Variants in DLG2 observed in about 807,000 individuals in gnomAD.
The protein encoded by DLG2 is discs large MAGUK scaffold protein 2.
Under a neutral mutation model 132.5 loss-of-function variants are expected in DLG2, and 45 were observed. That is an observed-to-expected ratio of 0.34 (90% CI 0.27 to 0.44). The LOEUF (loss-of-function observed/expected upper bound fraction) is 0.44, where lower values mean the gene tolerates loss of function less well. DLG2 is among the 20% of genes least tolerant of loss of function. The pLI is 1.00. For missense variants in DLG2, 1,045 were observed against 1,196.9 expected (o/e 0.87, Z 1.87); for synonymous variants, 424 against 419.6 (o/e 1.01, Z -0.13).
At chr11:84,775,003 C>A (rs1195178569) in intron 6 of DLG2, among the ~76,000 whole-genome samples, 2 of 152,088 alleles carry the variant, frequency 1.3e-5, no homozygotes, top group African/African-American at 4.8e-5. Flanking sequence ...AGGCAACCTA[C>A]ATATTGTAGA....
intron 16 of DLG2, among the ~76,000 whole-genome samples, chr11:83,869,268 C>T (rs1193376902): frequency 6.6e-6 from 1 of 152,032 alleles, no homozygotes; most frequent in Non-Finnish European, 1.5e-5. Flanking sequence ...TCTTTTAGGT[C>T]AGCATCATCC....
intron 8 of DLG2, among the ~76,000 whole-genome samples, chr11:84,178,821 G>A (rs937877087): frequency 7.2e-5 from 11 of 152,036 alleles, no homozygotes; most frequent in African/African-American, 2.7e-4. Context: ...GATCTAGCAT[G>A]TGACTAAATG....
chr11:84,320,110 G>A (rs781170097), intron 7 of DLG2, among the ~76,000 whole-genome samples: 31 of 152,252 alleles, frequency 2.0e-4, no homozygotes, highest in Non-Finnish European at 3.4e-4. Flanking sequence ...AAGAATTAGC[G>A]ATGCACAAGT....
chr11:85,569,348 A>G (rs1342757549), intron 3 of DLG2, among the ~76,000 whole-genome samples: 1 of 152,090 alleles, frequency 6.6e-6, no homozygotes, highest in Non-Finnish European at 1.5e-5. Context: ...TTCTTAATGT[A>G]AGTATTTATA....
chr11:85,515,831 G>T (rs1306318157), intron 3 of DLG2, among the ~76,000 whole-genome samples: 1 of 151,948 alleles, frequency 6.6e-6, no homozygotes, highest in Non-Finnish European at 1.5e-5. Flanking sequence ...TGAAGATCTG[G>T]TTTGTGATGA....
intron 18 of DLG2, among the ~76,000 whole-genome samples, chr11:83,689,966 ATATTT>A (rs1566548533): frequency 8.0e-5 from 10 of 125,152 alleles, no homozygotes; most frequent in Non-Finnish European, 1.3e-4. Context: ...TATATAATAT[ATATTT>A]ATATTATAAT....
intron 11 of DLG2, among the ~76,000 whole-genome samples, chr11:84,028,970 TATA>T (rs1159200976): frequency 6.6e-6 from 1 of 152,118 alleles, no homozygotes; most frequent in Non-Finnish European, 1.5e-5. Flanking sequence ...ATATCTGTTA[TATA>T]ATAAGCTCTA....
At chr11:83,551,011 C>A (rs144802197) in intron 19 of DLG2, among the ~76,000 whole-genome samples, 1 of 152,242 alleles carries the variant, frequency 6.6e-6, no homozygotes, top group South Asian at 2.1e-4. Flanking sequence ...ATGCATGACT[C>A]GTGAAGATCA....
intron 21 of DLG2, among the ~76,000 whole-genome samples, chr11:83,529,543 T>A (rs1289599558): frequency 6.6e-6 from 1 of 152,088 alleles, no homozygotes; most frequent in African/African-American, 2.4e-5. Context: ...TAATTCCCAA[T>A]GTTGTGCTAG....
intron 14 of DLG2, among the ~76,000 whole-genome samples, chr11:83,945,442 CAA>C (rs2083603469): frequency 6.6e-6 from 1 of 152,132 alleles, no homozygotes; most frequent in Non-Finnish European, 1.5e-5. Flanking sequence ...AGAATTTTCC[CAA>C]AGACTTCTCT....
At chr11:84,841,586 G>A (rs544162830) in intron 6 of DLG2, among the ~76,000 whole-genome samples, 62 of 151,904 alleles carry the variant, frequency 4.1e-4, no homozygotes, top group African/African-American at 1.5e-3. Flanking sequence ...CCTGGTAGAT[G>A]GTAGGCATCC....
chr11:85,369,164 G>A (rs796147598), intron 3 of DLG2, among the ~76,000 whole-genome samples: 8 of 152,182 alleles, frequency 5.3e-5, no homozygotes, highest in African/African-American at 1.7e-4. Context: ...TCGGAGGAAA[G>A]GCCCTTTTCT....
At chr11:83,709,386 T>C (rs899203155) in intron 18 of DLG2, among the ~76,000 whole-genome samples, 6 of 150,398 alleles carry the variant, frequency 4.0e-5, no homozygotes, top group South Asian at 2.1e-4. Flanking sequence ...TATATAACTT[T>C]AGTTTTTTCA....
intron 6 of DLG2, among the ~76,000 whole-genome samples, chr11:84,619,065 G>A (rs2099609412): frequency 6.6e-6 from 1 of 151,646 alleles, no homozygotes; most frequent in Non-Finnish European, 1.5e-5. Flanking sequence ...TTATAAACTT[G>A]CATCCAATAA....
intron 18 of DLG2, among the ~76,000 whole-genome samples, chr11:83,677,927 C>A (rs183622357): frequency 1.3e-5 from 2 of 152,184 alleles, no homozygotes; most frequent in African/African-American, 4.8e-5. Flanking sequence ...GGCGGAACCT[C>A]CCCTGTGAGG....
chr11:83,927,978 T>C lies in DLG2; in HGVS notation c.1496+2350A>G, dbSNP rs144500016. Among the ~76,000 whole-genome samples, 1,016 of 152,198 alleles carry C rather than the reference T, an allele frequency of 6.7e-3. 13 individuals carry two copies. The highest frequency in any genetic ancestry group is 0.023 in the African/African-American group (969 of 41,532). On this transcript the variant is annotated intron_variant, in intron 15 of 27. Transcript: ENST00000376104. The stretch of plus-strand genomic sequence containing the variant: ...TAGATGTGTGTGCCATTTACTAAGT[T>C]GAGGAAGTATGGAGGAGGAGCAAAG...
At chr11:84,797,531 A>G (rs1390456872) in intron 6 of DLG2, among the ~76,000 whole-genome samples, 2 of 152,056 alleles carry the variant, frequency 1.3e-5, no homozygotes, top group Non-Finnish European at 2.9e-5. Flanking sequence ...ATTCTTTAGT[A>G]TGTCAGTTGA....
intron 6 of DLG2, among the ~76,000 whole-genome samples, chr11:84,885,381 A>G (rs2088085333): frequency 6.6e-6 from 1 of 151,986 alleles, no homozygotes; most frequent in Non-Finnish European, 1.5e-5. Context: ...TCACCCAAGG[A>G]TAGATTGCAG....
intron 3 of DLG2, among the ~76,000 whole-genome samples, chr11:85,584,378 G>GTC (rs1456293465): frequency 1.5e-5 from 2 of 131,610 alleles, no homozygotes; most frequent in Non-Finnish European, 3.3e-5. Flanking sequence ...GTGTGTGTGT[G>GTC]TGTATCACAT....
Sources: gnomAD v4.1 joint callset for allele counts (sites outside exome capture counted in the v4.1 genomes callset) on GRCh38, gnomAD v4.1.1 for gene constraint, MANE v1.5 for transcripts, NCBI Gene and HGNC (gene_info 2026-07-23, HGNC 2026-07-21) for gene names.